Variants in RANBP17 observed in about 807,000 individuals in gnomAD.
RANBP17 encodes the protein RAN binding protein 17.
RANBP17 carries 158 observed loss-of-function variants against 141.2 expected under a neutral mutation model. The ratio of observed to expected loss-of-function variants is 1.12; its 90% CI spans 0.98 to 1.28. The LOEUF is 1.28. Among genes scored for constraint, RANBP17 ranks in the 50% most tolerant of loss-of-function variants. RANBP17 has a pLI of 0.00. For synonymous variants in RANBP17, 430 were observed against 450.0 expected (o/e 0.96, Z 0.56); for missense variants, 1,438 against 1,290.7 (o/e 1.11, Z -1.75).
At chr5:170,951,115 A>G (rs80124900) in intron 12 of RANBP17, among the ~76,000 whole-genome samples, 4,060 of 152,142 alleles carry the variant, frequency 0.027, 168 homozygotes, top group African/African-American at 0.092. Flanking sequence ...TTGGCTAATG[A>G]GTACAAACAT....
At chr5:171,076,642 GA>G (rs1784943333) in intron 14 of RANBP17, among the ~76,000 whole-genome samples, 1 of 152,150 alleles carries the variant, frequency 6.6e-6, no homozygotes, top group Non-Finnish European at 1.5e-5. Flanking sequence ...GGGTCAAAAA[GA>G]TTCAGGATAA....
chr5:171,025,616 C>T (rs1257362402), intron 14 of RANBP17, among the ~76,000 whole-genome samples: 2 of 148,280 alleles, frequency 1.3e-5, no homozygotes, highest in African/African-American at 5.0e-5. Context: ...ATCACTGTTA[C>T]CCAGGCTGGA....
intron 14 of RANBP17, among the ~76,000 whole-genome samples, chr5:171,127,832 A>G (rs1159872231): frequency 3.9e-5 from 6 of 152,200 alleles, no homozygotes; most frequent in Middle Eastern, 3.2e-3. Flanking sequence ...CTACCATGTG[A>G]TTCAGCAATC....
chr5:171,277,953 T>C (rs1376852773), intron 25 of RANBP17, among the ~76,000 whole-genome samples: 1 of 120,662 alleles, frequency 8.3e-6, no homozygotes, highest in Non-Finnish European at 1.7e-5. Flanking sequence ...TTTTTTTTTT[T>C]TTTTTTTTTT....
At position 170,893,240 on chromosome 5, in the gene RANBP17, C is replaced by CA. The variant is rs33981595; in HGVS notation, c.423+698dup. Among the ~76,000 whole-genome samples, 646 of 146,292 alleles carry CA rather than the reference C, an allele frequency of 4.4e-3. 9 individuals are homozygous for CA. Among genetic ancestry groups the CA allele is most frequent in the African/African-American group, 0.016 (610 of 39,308 alleles). On this transcript the variant is annotated intron_variant, in intron 4 of 27. Coordinates refer to ENST00000523189, the MANE Select transcript of RANBP17 (RefSeq NM_022897.5). ...ACATAAATTCAGATATATGGACAGC[C>CA]AAAAAAAAAAACCAAACCAAACCAA...
chr5:171,044,701 A>G (rs970624628), intron 14 of RANBP17, among the ~76,000 whole-genome samples: 1 of 152,142 alleles, frequency 6.6e-6, no homozygotes, highest in Non-Finnish European at 1.5e-5. Context: ...ATGATGGATT[A>G]ATTGACTGAT....
At chr5:171,266,213 G>A (rs1205895251) in intron 25 of RANBP17, among the ~76,000 whole-genome samples, 4 of 152,124 alleles carry the variant, frequency 2.6e-5, no homozygotes, top group African/African-American at 4.8e-5. Flanking sequence ...GAATACTCCG[G>A]TATATTGGGA....
At chr5:171,186,377 C>G (rs189971652) in intron 18 of RANBP17, among the ~76,000 whole-genome samples, 1 of 152,224 alleles carries the variant, frequency 6.6e-6, no homozygotes, top group African/African-American at 2.4e-5. Flanking sequence ...ATGGAGGCAT[C>G]ATCTTTCCTT....
intron 14 of RANBP17, among the ~76,000 whole-genome samples, chr5:170,995,206 T>C (rs1401754296): frequency 6.6e-6 from 1 of 152,136 alleles, no homozygotes; most frequent in Non-Finnish European, 1.5e-5. Context: ...ACATGTTGTA[T>C]GCATATCTTT....
At chr5:170,933,719 C>A (rs1379650825) in intron 12 of RANBP17, among the ~76,000 whole-genome samples, 3 of 151,996 alleles carry the variant, frequency 2.0e-5, no homozygotes, top group Non-Finnish European at 4.4e-5. Flanking sequence ...TGTAGTTGAG[C>A]GGTTTTGAGT....
chr5:171,084,379 G>A (rs1358480609), intron 14 of RANBP17, among the ~76,000 whole-genome samples: 15 of 136,532 alleles, frequency 1.1e-4, no homozygotes, highest in African/African-American at 4.0e-4. Flanking sequence ...CATTTGGGTT[G>A]GTTCCAAGTC....
chr5:171,020,700 C>T (rs1780791439), intron 14 of RANBP17, among the ~76,000 whole-genome samples: 1 of 152,010 alleles, frequency 6.6e-6, no homozygotes. Context: ...CTGAATACAG[C>T]ACACCAGTGG....
At chr5:171,098,109 G>A (rs1438697177) in intron 14 of RANBP17, among the ~76,000 whole-genome samples, 4 of 152,206 alleles carry the variant, frequency 2.6e-5, no homozygotes, top group Non-Finnish European at 4.4e-5. Context: ...GTATGCATGT[G>A]TCCTTATACT....
intron 26 of RANBP17, 45 bp downstream of exon 26, chr5:171,294,026 A>C (rs367832001): frequency 3.6e-6 from 5 of 1,376,884 alleles, no homozygotes; most frequent in Non-Finnish European, 5.2e-6. Context: ...CCCTGGGAGA[A>C]GAGAGCAGCT....
rs138567158 is a variant in RANBP17 at position 171,126,648 on chromosome 5, G to A, written c.1711-43482G>A. Among the ~76,000 whole-genome samples the A allele has an allele frequency of 1.5e-4, 23 of 152,252 alleles. No individual in the cohort carries two copies. In the East Asian group the frequency reaches 3.7e-3, roughly 24 times the overall value. On this transcript the variant is annotated intron_variant, in intron 14 of 27. Transcript: ENST00000523189. ...GAAACAAAAGAGGAGACATTACACT[G>A]ATAGCACAGAAATACCAAGGATCAT... is the stretch of plus-strand genomic sequence containing the variant.
chr5:171,169,810 C>T (rs1174399102), intron 14 of RANBP17, among the ~76,000 whole-genome samples: 1 of 151,658 alleles, frequency 6.6e-6, no homozygotes, highest in East Asian at 1.9e-4. Context: ...TGCATACCTA[C>T]TCCCGTCTTC....
chr5:171,047,885 G>C (rs1056828399), intron 14 of RANBP17, among the ~76,000 whole-genome samples: 1 of 151,798 alleles, frequency 6.6e-6, no homozygotes, highest in Non-Finnish European at 1.5e-5. Flanking sequence ...TTTTATTTTG[G>C]CAGAGTCTAA....
intron 25 of RANBP17, among the ~76,000 whole-genome samples, chr5:171,269,724 T>A (rs1197351777): frequency 6.6e-6 from 1 of 152,246 alleles, no homozygotes; most frequent in Non-Finnish European, 1.5e-5. Flanking sequence ...CTGTTTTTAA[T>A]AGATGATTTG....
At position 171,240,974 on chromosome 5, in the gene RANBP17, T is replaced by G. The variant is rs1288135498; in HGVS notation, c.2469T>G (p.Tyr823Ter). Residue 823 changes from tyrosine to a stop codon, truncating the protein, a stop_gained, in exon 23 of 28, where the codon TAT becomes TAG. Coordinates refer to ENST00000523189, the MANE Select transcript of RANBP17 (RefSeq NM_022897.5). LOFTEE classifies it high-confidence loss of function. ...SLGSLSKDQI[Y>*]PMKLKGISIC... ...GGAGCCTCTCAAAAGATCAGATTTA[T>G]CCAATGAAACTCAAGGGCATCTCCA... The G allele has an allele frequency of 6.2e-7, 1 of 1,613,974 alleles. No homozygotes were observed.
Sources: gnomAD v4.1 joint callset for allele counts (sites outside exome capture counted in the v4.1 genomes callset) on GRCh38, gnomAD v4.1.1 for gene constraint, MANE v1.5 for transcripts, NCBI Gene and HGNC (gene_info 2026-07-23, HGNC 2026-07-21) for gene names.